Variants in METTL15 observed in about 807,000 individuals in gnomAD.
METTL15 encodes the protein methyltransferase 15, mitochondrial 12S rRNA N4-cytidine, also known as 12S rRNA N(4)-cytidine methyltransferase METTL15.
A neutral mutation model predicts 38.3 loss-of-function variants in METTL15; 34 were observed. That is an observed-to-expected ratio of 0.89 (90% CI 0.68 to 1.18). METTL15 has a LOEUF of 1.18. Among genes scored for constraint, METTL15 ranks in the 50% most tolerant of loss-of-function variants. METTL15 has a pLI of 0.00. For synonymous variants in METTL15, 162 were observed against 170.9 expected, an observed-to-expected ratio of 0.95 and a Z score of 0.41; for missense variants, 438 against 498.4, an observed-to-expected ratio of 0.88 and a Z score of 1.15.
chr11:28,313,873 C>T (rs895773031), intron 6 of METTL15, among the ~76,000 whole-genome samples: 1 of 152,178 alleles, frequency 6.6e-6, no homozygotes, highest in Non-Finnish European at 1.5e-5. Flanking sequence ...ATTTTCTAAG[C>T]TAAAGTCTCA....
At chr11:28,397,146 A>C (rs1319940643) in intron 5 of METTL15, among the ~76,000 whole-genome samples, 1 of 152,112 alleles carries the variant, frequency 6.6e-6, no homozygotes, top group Non-Finnish European at 1.5e-5. Flanking sequence ...CCCTAGAAGA[A>C]AACCTAGGCA....
At chr11:28,170,669 T>C (rs1178171951) in intron 3 of METTL15, among the ~76,000 whole-genome samples, 2 of 152,296 alleles carry the variant, frequency 1.3e-5, no homozygotes, top group Non-Finnish European at 2.9e-5. Context: ...TTCCTGACAT[T>C]GCCATGGCAT....
intron 3 of METTL15, among the ~76,000 whole-genome samples, chr11:28,184,489 C>T (rs1405483259): frequency 6.6e-6 from 1 of 151,882 alleles, no homozygotes; most frequent in East Asian, 1.9e-4. Context: ...CAAAGAACAT[C>T]TTTATTTCTG....
chr11:28,249,208 C>A (rs1262673281), intron 4 of METTL15, among the ~76,000 whole-genome samples: 1 of 151,786 alleles, frequency 6.6e-6, no homozygotes, highest in Non-Finnish European at 1.5e-5. Flanking sequence ...CAAACTTGAG[C>A]TTTTGCATCT....
intron 4 of METTL15, among the ~76,000 whole-genome samples, chr11:28,215,697 A>G (rs1294923951): frequency 6.6e-6 from 1 of 152,234 alleles, no homozygotes; most frequent in Non-Finnish European, 1.5e-5. Flanking sequence ...AGATTTGAAC[A>G]AAAGGGAAGA....
At chr11:28,125,375 C>T (rs1367932925) in intron 3 of METTL15, 1 of 151,956 alleles carries the variant, frequency 6.6e-6, no homozygotes, top group Non-Finnish European at 1.5e-5. Flanking sequence ...TTCTCCATTT[C>T]CTGTGAAATC....
At chr11:28,171,096 C>G (rs1850841578) in intron 3 of METTL15, among the ~76,000 whole-genome samples, 1 of 152,172 alleles carries the variant, frequency 6.6e-6, no homozygotes. Context: ...CACTTATGTT[C>G]TGTTCCATCT....
intron 6 of METTL15, among the ~76,000 whole-genome samples, chr11:28,317,541 A>T (rs897474927): frequency 6.6e-6 from 1 of 152,212 alleles, no homozygotes; most frequent in South Asian, 2.1e-4. Context: ...TGCTAATTTC[A>T]TTCACAAGCT....
intron 3 of METTL15, among the ~76,000 whole-genome samples, chr11:28,172,287 C>G (rs1248123427): frequency 1.3e-5 from 2 of 151,816 alleles, no homozygotes; most frequent in Middle Eastern, 3.4e-3. Flanking sequence ...AGATCAGTTC[C>G]CTTTTTCCTA....
chr11:28,411,522 CTG>C (rs1850724104), intron 5 of METTL15, among the ~76,000 whole-genome samples: 1 of 151,970 alleles, frequency 6.6e-6, no homozygotes, highest in Admixed American at 6.6e-5. Context: ...GTTGGGAAAA[CTG>C]TATTTCTACA....
chr11:28,392,807 C>CA (rs1850525542), intron 5 of METTL15, among the ~76,000 whole-genome samples: 1 of 151,434 alleles, frequency 6.6e-6, no homozygotes, highest in Admixed American at 6.6e-5. Context: ...TGAACAAAAA[C>CA]AAAAAAACAA....
At chr11:28,237,711 T>G (rs1854069553) in intron 4 of METTL15, among the ~76,000 whole-genome samples, 1 of 152,174 alleles carries the variant, frequency 6.6e-6, no homozygotes, top group South Asian at 2.1e-4. Flanking sequence ...TTCTGCTCTG[T>G]TTTTTCCCCA....
intron 3 of METTL15, among the ~76,000 whole-genome samples, chr11:28,167,960 AAGAC>A (rs771632045): frequency 7.2e-5 from 11 of 152,146 alleles, no homozygotes; most frequent in Non-Finnish European, 2.9e-5. Flanking sequence ...TATATTCTAA[AAGAC>A]AGGAATGCAC....
In METTL15 at chr11:28,324,820, G is replaced by T. The variant is rs538595389; in HGVS notation, c.779-5576G>T. Among the ~76,000 whole-genome samples the T allele has an allele frequency of 4.6e-5, 7 of 152,248 alleles. No individual in the cohort carries two copies. In the East Asian group the frequency reaches 1.2e-3, roughly 25 times the overall value. ...GCCATGCCGAGGTCTGAAGGGAGTGGGTGGATAAGTAGAAAGAACAATCGG... is the reference window on the plus strand; with the variant it reads ...GCCATGCCGAGGTCTGAAGGGAGTGTGTGGATAAGTAGAAAGAACAATCGG... On this transcript the variant is annotated intron_variant, in intron 6 of 6. Transcript: ENST00000407364.
chr11:28,330,586 A>G lies in METTL15; in HGVS notation c.969A>G (p.Ser323=), dbSNP rs774939158. The change falls in exon 7 of 7, where the codon TCA becomes TCG. Residue 323 remains serine (S), a synonymous_variant. Transcript: ENST00000407364. ...GGRLVALSFH[S]LEDRIVKRFL... ...GTCTTGTTGCCCTCTCCTTCCATTCACTAGAGGATCGCATCGTCAAAAGAT... is the reference window on the plus strand; with the variant it reads ...GTCTTGTTGCCCTCTCCTTCCATTCGCTAGAGGATCGCATCGTCAAAAGAT... The G allele has an allele frequency of 2.6e-6, 4 of 1,551,516 alleles. No individual in the cohort carries two copies. Among genetic ancestry groups the G allele is most frequent in the Middle Eastern group, 1.7e-4 (1 of 5,988 alleles).
intron 6 of METTL15, among the ~76,000 whole-genome samples, chr11:28,307,829 A>G (rs1176425663): frequency 6.6e-6 from 1 of 152,044 alleles, no homozygotes; most frequent in Non-Finnish European, 1.5e-5. Context: ...TCCTAGTTAC[A>G]TAGCAGATGT....
intron 3 of METTL15, chr11:28,163,777 G>A (rs1850558338): frequency 4.6e-6 from 1 of 216,680 alleles, no homozygotes; most frequent in East Asian, 9.2e-5. Flanking sequence ...TTTTTCTGTA[G>A]CCTGGAAGCT....
At chr11:28,188,233 ATG>A (rs1851574384) in intron 3 of METTL15, among the ~76,000 whole-genome samples, 1 of 151,360 alleles carries the variant, frequency 6.6e-6, no homozygotes, top group South Asian at 2.1e-4. Flanking sequence ...CAAACTATAC[ATG>A]AATCACATAT....
At chr11:28,453,800 A>G (rs1851143939) in intron 6 of METTL15, among the ~76,000 whole-genome samples, 1 of 152,214 alleles carries the variant, frequency 6.6e-6, no homozygotes, top group Admixed American at 6.5e-5. Context: ...TGACTCTGGG[A>G]TTCAAGGATT....
Sources: allele counts gnomAD v4.1 joint callset (sites outside exome capture counted in the v4.1 genomes callset), GRCh38; gene constraint gnomAD v4.1.1; transcripts MANE v1.5; gene names NCBI Gene and HGNC (gene_info 2026-07-23, HGNC 2026-07-21).